The following ATRX variants were observed in gnomAD, a reference collection of about 807,000 sequenced individuals.
The protein encoded by ATRX is chromatin remodeler ATRX.
Under a neutral mutation model 172.6 loss-of-function variants are expected in ATRX, and 12 were observed. The observed-to-expected ratio is 0.07, with a 90% confidence interval of 0.04 to 0.11. ATRX has a LOEUF of 0.11. Ranked by LOEUF, ATRX falls within the 10% of genes least tolerant of loss-of-function variation. The probability of loss-of-function intolerance (pLI) is 1.00; values close to 1 mark genes in which losing one functional copy is unlikely to be tolerated. For missense variants in ATRX, 1,368 were observed against 1,767.4 expected, an observed-to-expected ratio of 0.77 and a Z score of 4.05; for synonymous variants, 674 against 594.7, an observed-to-expected ratio of 1.13 and a Z score of -1.94.
chrX:77,624,398 TA>T lies in ATRX; in HGVS notation c.5135-3867del, dbSNP rs1182136953. Among the ~76,000 whole-genome samples, 3 of 110,401 alleles carry T rather than the reference TA, an allele frequency of 2.7e-5. No individual in the cohort carries two copies. The Admixed American group carries it at 2.9e-4, about 11-fold the overall frequency. On this transcript the variant is annotated intron_variant, in intron 19 of 34. Coordinates refer to ENST00000373344, the MANE Select transcript of ATRX (RefSeq NM_000489.6). ...AGAAAAAGAAAAAGAAAAAAAGAAATAAAGGGAATCCAAATCAGTAAAGAGG... is the reference window on the plus strand; with the variant it reads ...AGAAAAAGAAAAAGAAAAAAAGAAATAAGGGAATCCAAATCAGTAAAGAGG...
chrX:77,559,473 T>C (rs2064936434), intron 28 of ATRX, among the ~76,000 whole-genome samples: 1 of 89,204 alleles, frequency 1.1e-5, no homozygotes, highest in African/African-American at 4.1e-5. Context: ...TTTTTTTTTT[T>C]TTTGAGACGG....
intron 34 of ATRX, among the ~76,000 whole-genome samples, chrX:77,519,532 T>C (rs908488811): frequency 1.8e-5 from 2 of 110,606 alleles, no homozygotes; most frequent in East Asian, 5.7e-4. Flanking sequence ...CCCGAGAGTT[T>C]GAGACCAGCC....
chrX:77,593,627 T>C (rs1456799565), intron 26 of ATRX, 69 bp downstream of exon 26: 3 of 1,056,138 alleles, frequency 2.8e-6, no homozygotes, highest in Non-Finnish European at 3.9e-6. Context: ...TTTGTTCAAA[T>C]ACATTGTTTA....
chrX:77,774,505 G>A (rs922127459), intron 1 of ATRX, among the ~76,000 whole-genome samples: 15 of 110,444 alleles, frequency 1.4e-4, no homozygotes, highest in Non-Finnish European at 2.3e-4. Context: ...GTGAAAACCC[G>A]TCTCGACTAA....
chrX:77,704,793 G>A (rs1443805537), intron 2 of ATRX, among the ~76,000 whole-genome samples: 1 of 112,349 alleles, frequency 8.9e-6, no homozygotes, highest in Admixed American at 9.3e-5. Context: ...GCCAATAGCA[G>A]GGTGAAGCCA....
intron 27 of ATRX, 111 bp downstream of exon 27, chrX:77,589,723 T>C: frequency 1.6e-6 from 1 of 635,763 alleles, no homozygotes; most frequent in Non-Finnish European, 2.4e-6. Flanking sequence ...AATTTTGATA[T>C]GATAGAGTTG....
At chrX:77,524,742 T>A (rs2063330245) in intron 30 of ATRX, among the ~76,000 whole-genome samples, 2 of 108,974 alleles carry the variant, frequency 1.8e-5, no homozygotes, top group Admixed American at 2.0e-4. Context: ...AGAGACTTTA[T>A]AATTCTTTTT....
At chrX:77,782,201 T>C (rs1164539468) in intron 1 of ATRX, among the ~76,000 whole-genome samples, 1 of 112,195 alleles carries the variant, frequency 8.9e-6, no homozygotes, top group Non-Finnish European at 1.9e-5. Context: ...TTTCATGCTT[T>C]TCATAGTGGA....
At position 77,616,650 on chromosome X, in the gene ATRX, C is replaced by T. The variant is rs2067369678; in HGVS notation, c.5529G>A (p.Gln1843=). The change falls in exon 22 of 35, where the codon CAG becomes CAA. Residue 1843 remains glutamine, a synonymous_variant. Coordinates refer to ENST00000373344, the MANE Select transcript of ATRX (RefSeq NM_000489.6). The part of the protein sequence containing the change: ...YVLAVRMTSI[Q]CKLYQYYLDH... ...CTAAGTAGTACTGATAGAGCTTGCA[C>T]TGAATAGAAGTCATTCTCACAGCTA... The T allele has an allele frequency of 8.3e-7, 1 of 1,205,233 alleles. No homozygotes were observed.
intron 22 of ATRX, among the ~76,000 whole-genome samples, chrX:77,606,048 G>A (rs1360140943): frequency 9.0e-6 from 1 of 110,728 alleles, no homozygotes; most frequent in African/African-American, 3.3e-5. Flanking sequence ...ATTGAACCAG[G>A]AAGAAATCCA....
chrX:77,671,167 A>AAAAATAT lies in ATRX; in HGVS notation c.3809+5058_3809+5059insATATTTT, dbSNP rs1424480831. On this transcript the variant is annotated intron_variant, in intron 10 of 34. Transcript: ENST00000373344. ...TGTCTCAAAAAAAAAAAAAAAAAAA[A>AAAAATAT]ATATATATATATATATATATATATA... 3.6e-3 allele frequency among the ~76,000 whole-genome samples: 57 copies of AAAAATAT among 15,730 alleles called. 1 individual carries two copies. Among genetic ancestry groups the AAAAATAT allele is most frequent in the Middle Eastern group, 0.056 (1 of 18 alleles). 13.7% of individuals were successfully genotyped at this position (15,730 alleles called of 115,157 possible). A position where few individuals can be genotyped will look rare whatever the true frequency, so the allele number is the denominator to read the frequency against.
chrX:77,636,967 A>G (rs939294507), intron 15 of ATRX, among the ~76,000 whole-genome samples: 24 of 100,566 alleles, frequency 2.4e-4, no homozygotes, highest in African/African-American at 9.4e-4. Flanking sequence ...GAGGAGGAAG[A>G]AAAAAGAAGA....
chrX:77,525,579 TAGTC>T (rs1557043415), intron 30 of ATRX, among the ~76,000 whole-genome samples: 1 of 112,651 alleles, frequency 8.9e-6, no homozygotes, highest in South Asian at 3.6e-4. Context: ...ATCTTAATCA[TAGTC>T]AGATCAGTTC....
At chrX:77,626,658 A>G (rs2067866108) in intron 19 of ATRX, among the ~76,000 whole-genome samples, 4 of 111,330 alleles carry the variant, frequency 3.6e-5, no homozygotes. Context: ...GGCTTTGAGG[A>G]CCACCTAAAT....
chrX:77,568,320 T>C (rs1305483198), intron 28 of ATRX, among the ~76,000 whole-genome samples: 1 of 111,251 alleles, frequency 9.0e-6, no homozygotes, highest in East Asian at 2.8e-4. Context: ...CCTAAAGACA[T>C]GAAAAGGATA....
intron 2 of ATRX, among the ~76,000 whole-genome samples, chrX:77,716,105 T>C (rs2031921353): frequency 1.2e-5 from 1 of 84,659 alleles, no homozygotes; most frequent in Non-Finnish European, 2.2e-5. Context: ...ACCATGTCTC[T>C]AAAAATTTTT....
chrX:77,537,712 A>G (rs1389591595), intron 30 of ATRX, among the ~76,000 whole-genome samples: 1 of 111,055 alleles, frequency 9.0e-6, no homozygotes, highest in Non-Finnish European at 1.9e-5. Context: ...TTTACACCCT[A>G]ACCAAGTTTT....
At chrX:77,774,473 C>T (rs986495930) in intron 1 of ATRX, among the ~76,000 whole-genome samples, 1 of 110,661 alleles carries the variant, frequency 9.0e-6, no homozygotes, top group African/African-American at 3.3e-5. Flanking sequence ...GTCAGGAGAT[C>T]GAGACCATCC....
intron 1 of ATRX, among the ~76,000 whole-genome samples, chrX:77,752,269 T>C (rs2075329365): frequency 8.9e-6 from 1 of 111,769 alleles, no homozygotes; most frequent in African/African-American, 3.3e-5. Flanking sequence ...CTTCATAATT[T>C]GGCTGTTTGT....
Sources: allele counts gnomAD v4.1 joint callset (sites outside exome capture counted in the v4.1 genomes callset), GRCh38; gene constraint gnomAD v4.1.1; transcripts MANE v1.5; gene names NCBI Gene and HGNC (gene_info 2026-07-23, HGNC 2026-07-21).